Variants in SDK1 observed in about 807,000 individuals in gnomAD.
The protein encoded by SDK1 is protein sidekick-1.
SDK1 carries 157 observed loss-of-function variants against 245.5 expected under a neutral mutation model. The ratio of observed to expected loss-of-function variants is 0.64; its 90% confidence interval spans 0.56 to 0.73. SDK1 has a LOEUF of 0.73. Ranked by LOEUF, SDK1 falls within the 30% of genes least tolerant of loss-of-function variation. SDK1 has a pLI of 0.00. For synonymous variants in SDK1, 1,647 were observed against 1,278.5 expected, an observed-to-expected ratio of 1.29 and a Z score of -6.15; for missense variants, 3,583 against 3,002.3, an observed-to-expected ratio of 1.19 and a Z score of -4.52.
At chr7:3,402,756 C>T (rs1219779860) in intron 1 of SDK1, among the ~76,000 whole-genome samples, 1 of 152,024 alleles carries the variant, frequency 6.6e-6, no homozygotes, top group Non-Finnish European at 1.5e-5. Flanking sequence ...GTTTAAGTTG[C>T]AATATTTTTG....
intron 1 of SDK1, among the ~76,000 whole-genome samples, chr7:3,549,569 G>A (rs1362187549): frequency 6.6e-6 from 1 of 152,210 alleles, no homozygotes; most frequent in Non-Finnish European, 1.5e-5. Context: ...GTGCACACCA[G>A]ACAGAATTTA....
chr7:3,998,655 C>T (rs73296692), intron 14 of SDK1, among the ~76,000 whole-genome samples: 53 of 152,294 alleles, frequency 3.5e-4, no homozygotes, highest in African/African-American at 1.2e-3. Context: ...CAGCCTCAAA[C>T]CTGAAATAAT....
intron 1 of SDK1, among the ~76,000 whole-genome samples, chr7:3,486,004 C>G (rs1022472616): frequency 6.6e-6 from 1 of 151,728 alleles, no homozygotes; most frequent in Admixed American, 6.6e-5. Context: ...TAATATTGGA[C>G]AGTTTATATA....
At chr7:4,083,985 A>G (rs940346601) in intron 22 of SDK1, among the ~76,000 whole-genome samples, 1 of 152,096 alleles carries the variant, frequency 6.6e-6, no homozygotes. Flanking sequence ...TTTCTCCATC[A>G]GCTTTTTATC....
At chr7:3,560,754 C>T (rs1779725301) in intron 1 of SDK1, among the ~76,000 whole-genome samples, 2 of 152,142 alleles carry the variant, frequency 1.3e-5, no homozygotes, top group South Asian at 2.1e-4. Flanking sequence ...TCTCTGTATC[C>T]TCCTCTCCTA....
At chr7:4,033,854 C>T (rs986567833) in intron 17 of SDK1, among the ~76,000 whole-genome samples, 1 of 152,106 alleles carries the variant, frequency 6.6e-6, no homozygotes, top group Non-Finnish European at 1.5e-5. Flanking sequence ...AATGATACAA[C>T]CCCTAATTAA....
chr7:3,530,598 G>C (rs963667876), intron 1 of SDK1, among the ~76,000 whole-genome samples: 7 of 152,152 alleles, frequency 4.6e-5, no homozygotes, highest in African/African-American at 1.7e-4. Context: ...TAGCATTTCT[G>C]TTGTTTATTT....
intron 35 of SDK1, among the ~76,000 whole-genome samples, chr7:4,189,396 G>A (rs866786005): frequency 2.6e-5 from 4 of 152,292 alleles, no homozygotes; most frequent in African/African-American, 9.6e-5. Flanking sequence ...AGCAACATAG[G>A]TTTTCCCCAA....
chr7:4,142,473 C>T (rs568173623), intron 28 of SDK1, among the ~76,000 whole-genome samples: 110 of 152,192 alleles, frequency 7.2e-4, no homozygotes, highest in African/African-American at 2.6e-3. Context: ...GGATTACAAG[C>T]GCCCGCCATC....
At chr7:4,133,830 C>T (rs1785024638) in intron 28 of SDK1, among the ~76,000 whole-genome samples, 1 of 152,204 alleles carries the variant, frequency 6.6e-6, no homozygotes, top group African/African-American at 2.4e-5. Flanking sequence ...TACCAGACAC[C>T]CCGATTCGGC....
intron 1 of SDK1, among the ~76,000 whole-genome samples, chr7:3,323,127 C>T (rs1779858019): frequency 6.6e-6 from 1 of 152,064 alleles, no homozygotes; most frequent in African/African-American, 2.4e-5. Context: ...GTTTGCAGGT[C>T]CCTTTAACTG....
At chr7:3,381,268 A>C (rs569078382) in intron 1 of SDK1, among the ~76,000 whole-genome samples, 1 of 152,248 alleles carries the variant, frequency 6.6e-6, no homozygotes, top group Non-Finnish European at 1.5e-5. Flanking sequence ...CCAGTGGTAC[A>C]CAGGTTAGGA....
At chr7:4,020,274 G>T (rs1344243646) in intron 17 of SDK1, among the ~76,000 whole-genome samples, 2 of 152,068 alleles carry the variant, frequency 1.3e-5, no homozygotes, top group Non-Finnish European at 2.9e-5. Flanking sequence ...CAGGAAGGGT[G>T]GTCCATGGCC....
At chr7:3,477,600 A>G (rs762833976) in intron 1 of SDK1, among the ~76,000 whole-genome samples, 48 of 149,106 alleles carry the variant, frequency 3.2e-4, no homozygotes, top group Non-Finnish European at 5.5e-4. Flanking sequence ...CTGCAACCTC[A>G]AACTCTTGGG....
At chr7:3,532,960 G>A (rs1783399300) in intron 1 of SDK1, among the ~76,000 whole-genome samples, 1 of 152,164 alleles carries the variant, frequency 6.6e-6, no homozygotes, top group South Asian at 2.1e-4. Flanking sequence ...GCAAAAACAT[G>A]GTAGTGGAGA....
Position 3,987,243 on chromosome 7 carries a change from C to T in SDK1, c.2052C>T (p.His684=), listed in dbSNP as rs550278515. 3.9e-5 allele frequency: 63 copies of T among 1,613,740 alleles called. No individual in the cohort carries two copies. Among genetic ancestry groups the T allele is most frequent in the South Asian group, 2.2e-4 (20 of 91,068 alleles). ...TCAGCCCTAATTCTTCCCACAGCCA[C>T]GCCGTGGTGCTCTCTTGGGTCCGGC... is the stretch of plus-strand genomic sequence containing the variant. ...LLVSPNSSHS[H]AVVLSWVRPF... Residue 684 remains histidine (H), a synonymous_variant, in exon 14 of 45, where the codon CAC becomes CAT. Transcript: ENST00000404826.
intron 5 of SDK1, among the ~76,000 whole-genome samples, chr7:3,841,905 C>T (rs535860105): frequency 2.6e-5 from 4 of 152,114 alleles, no homozygotes; most frequent in African/African-American, 7.2e-5. Context: ...GATGCAAGAC[C>T]GACCCATTGG....
At chr7:3,947,216 T>G (rs1780612263) in intron 5 of SDK1, among the ~76,000 whole-genome samples, 1 of 152,214 alleles carries the variant, frequency 6.6e-6, no homozygotes, top group African/African-American at 2.4e-5. Flanking sequence ...CAGTAGCTTT[T>G]CACTCCCTGT....
At chr7:3,849,140 C>T (rs1019135558) in intron 5 of SDK1, among the ~76,000 whole-genome samples, 1 of 152,168 alleles carries the variant, frequency 6.6e-6, no homozygotes, top group Non-Finnish European at 1.5e-5. Context: ...GTTTCCTTTT[C>T]TCTCCAAATG....
Sources: allele counts gnomAD v4.1 joint callset (sites outside exome capture counted in the v4.1 genomes callset), GRCh38; gene constraint gnomAD v4.1.1; transcripts MANE v1.5; gene names NCBI Gene and HGNC (gene_info 2026-07-23, HGNC 2026-07-21).